FANCI: variants seen among roughly 807,000 people sequenced by gnomAD.
FANCI encodes the protein Fanconi anemia group I protein.
In FANCI, 156 loss-of-function variants were observed where a neutral mutation model predicts 176.1. The observed-to-expected ratio is 0.89, with a 90% confidence interval of 0.78 to 1.01. The LOEUF (loss-of-function observed/expected upper bound fraction) is 1.01, where lower values mean the gene tolerates loss of function less well. Ranked by LOEUF, FANCI falls within the 50% of genes least tolerant of loss-of-function variation. The pLI, the probability that FANCI is intolerant of heterozygous loss-of-function variation, is 0.00. For missense variants in FANCI, 1,678 were observed against 1,534.1 expected, an observed-to-expected ratio of 1.09 and a Z score of -1.57; for synonymous variants, 613 against 541.7, an observed-to-expected ratio of 1.13 and a Z score of -1.83.
In FANCI at chr15:89,263,461, G is replaced by A; in HGVS notation, c.545+1G>A. ...TAATCCAACTCACCTCCATGTTCAA[G>A]TAAGCATCATCTTTTCCCTTTTCTT... On this transcript the variant is annotated splice_donor_variant, in intron 7 of 37. Transcript: ENST00000310775. LOFTEE classifies it high-confidence loss of function. 6.2e-7 allele frequency: 1 copy of A among 1,611,670 alleles called. No individual in the cohort carries two copies. The highest frequency in any genetic ancestry group is 8.5e-7 in the Non-Finnish European group (1 of 1,177,984).
intron 35 of FANCI, among the ~76,000 whole-genome samples, chr15:89,314,167 G>A (rs1040975254): frequency 3.7e-5 from 5 of 134,866 alleles, no homozygotes; most frequent in Admixed American, 2.2e-4. Flanking sequence ...AGGACCTTTC[G>A]TTAGGGGGAA....
chr15:89,279,035 C>T (rs1339683767), intron 14 of FANCI, among the ~76,000 whole-genome samples: 1 of 152,204 alleles, frequency 6.6e-6, no homozygotes, highest in African/African-American at 2.4e-5. Context: ...TAATACCTCT[C>T]AAATGAGTGC....
At chr15:89,281,634 A>G in intron 15 of FANCI, 131 bp from the exon 16 acceptor site, 1 of 900,234 alleles carries the variant, frequency 1.1e-6, no homozygotes, top group Non-Finnish European at 1.8e-6. Context: ...GTTAACTGTA[A>G]TAAACATTAA....
intron 10 of FANCI, among the ~76,000 whole-genome samples, chr15:89,269,203 T>G (rs1038627913): frequency 2.0e-5 from 3 of 152,206 alleles, no homozygotes; most frequent in African/African-American, 7.2e-5. Flanking sequence ...ATTCTTTTTC[T>G]GAACATTTAA....
chr15:89,267,940 G>C (rs2053039141), intron 9 of FANCI, among the ~76,000 whole-genome samples: 1 of 152,012 alleles, frequency 6.6e-6, no homozygotes, highest in Non-Finnish European at 1.5e-5. Context: ...TAAATAGATG[G>C]ATAGATAGAT....
At chr15:89,255,152 A>G (rs1367374048) in intron 2 of FANCI, among the ~76,000 whole-genome samples, 1 of 152,108 alleles carries the variant, frequency 6.6e-6, no homozygotes, top group Non-Finnish European at 1.5e-5. Context: ...TCTGTTGATC[A>G]TGATAGCCCT....
chr15:89,283,759 C>CT (rs199549740), intron 17 of FANCI, among the ~76,000 whole-genome samples: 2,142 of 142,470 alleles, frequency 0.015, 66 homozygotes, highest in East Asian at 0.13. Context: ...ATATTTCTTT[C>CT]TTTTTTTTTT....
In FANCI at chr15:89,276,734, C is replaced by T; in HGVS notation, c.1136C>T (p.Thr379Ile). 6.2e-7 allele frequency: 1 copy of T among 1,614,170 alleles called. No individual in the cohort carries two copies. The highest frequency in any genetic ancestry group is 8.5e-7 in the Non-Finnish European group (1 of 1,180,032). ...AGCGTTCATAGCTGGGACCATGTTA[C>T]TCAGGGCCTCGTAGAACTTGGTTTC... ...KNSVHSWDHV[T>I]QGLVELGFIL... Residue 379 changes from threonine (T) to isoleucine (I), a missense_variant, in exon 13 of 38, where the codon ACT (threonine) becomes ATT (isoleucine). By Grantham distance (89) the Thr-to-Ile change is moderately conservative (BLOSUM62 -1). Transcript: ENST00000310775.
chr15:89,274,614 T>TG (rs1177411180), intron 12 of FANCI, among the ~76,000 whole-genome samples: 1 of 135,572 alleles, frequency 7.4e-6, no homozygotes, highest in Non-Finnish European at 1.6e-5. Flanking sequence ...TTTTTTTTTT[T>TG]TTTTTTTTGA....
rs149252455 is a variant in FANCI at position 89,289,822 on chromosome 15, C to G, written c.1822-391C>G. ...CTTCATACCTCAGCCTCCCGAGTAG[C>G]TGTGATTACAGGCATGTGCCACCAC... On this transcript the variant is annotated intron_variant, in intron 18 of 37. Coordinates refer to ENST00000310775, the MANE Select transcript of FANCI (RefSeq NM_001113378.2). 2.6e-3 allele frequency among the ~76,000 whole-genome samples: 394 copies of G among 151,872 alleles called. 2 individuals are homozygous for G. Among genetic ancestry groups the G allele is most frequent in the African/African-American group, 9.3e-3 (384 of 41,398 alleles).
At chr15:89,252,476 A>T (rs1184794095) in intron 2 of FANCI, among the ~76,000 whole-genome samples, 1 of 152,078 alleles carries the variant, frequency 6.6e-6, no homozygotes, top group Non-Finnish European at 1.5e-5. Context: ...CAGTTAGCTC[A>T]CGCCTGTAAT....
intron 16 of FANCI, chr15:89,282,063 A>G: frequency 2.0e-6 from 1 of 510,216 alleles, no homozygotes; most frequent in Non-Finnish European, 3.6e-6. Flanking sequence ...CCCATTTTAC[A>G]GATAAGAAAA....
rs1175936824 is a variant in FANCI, at chr15:89,303,881, C to G, written c.3024C>G (p.Ser1008=). 3 of 1,613,950 alleles carry G rather than the reference C, an allele frequency of 1.9e-6. No homozygotes were observed. Among genetic ancestry groups the G allele is most frequent in the Non-Finnish European group, 2.5e-6 (3 of 1,179,884 alleles). ...PSSPQFVQML[S]WTSKICKENS... Reference sequence around the variant, plus strand: ...TAATTTAGTTTGTGCAGATGTTATCCTGGACATCAAAGATTTGCAAGGAAA... The same window carrying G: ...TAATTTAGTTTGTGCAGATGTTATCGTGGACATCAAAGATTTGCAAGGAAA... Residue 1008 remains serine, a synonymous_variant, in exon 28 of 38, where the codon TCC becomes TCG. Coordinates refer to ENST00000310775, the MANE Select transcript of FANCI (RefSeq NM_001113378.2).
chr15:89,314,879 G>A (rs996170337), intron 36 of FANCI, among the ~76,000 whole-genome samples, 172 bp downstream of exon 36: 2 of 118,316 alleles, frequency 1.7e-5, no homozygotes, highest in African/African-American at 6.8e-5. Flanking sequence ...GTCTCATTCT[G>A]TCACCCAGGC....
chr15:89,305,271 C>G, intron 29 of FANCI, 29 bp downstream of exon 29: 1 of 1,614,084 alleles, frequency 6.2e-7, no homozygotes, highest in African/African-American at 1.3e-5. Context: ...AGTACAATAC[C>G]CTGTGTGGGG....
intron 9 of FANCI, among the ~76,000 whole-genome samples, chr15:89,265,488 T>A (rs2052904331): frequency 6.6e-6 from 1 of 152,084 alleles, no homozygotes; most frequent in African/African-American, 2.4e-5. Context: ...ATTACAGACA[T>A]GAGCCACTGT....
chr15:89,285,929 C>T (rs983267758), intron 18 of FANCI, among the ~76,000 whole-genome samples: 9 of 152,076 alleles, frequency 5.9e-5, no homozygotes, highest in African/African-American at 2.2e-4. Context: ...TGTGTTACCT[C>T]TAATTTATCA....
At chr15:89,311,666 C>T (rs1051004213) in intron 34 of FANCI, among the ~76,000 whole-genome samples, 1 of 152,190 alleles carries the variant, frequency 6.6e-6, no homozygotes, top group Non-Finnish European at 1.5e-5. Context: ...CAGATTACTG[C>T]ATACCAGCCC....
At chr15:89,314,836 T>TC (rs1180873508) in intron 36 of FANCI, 129 bp downstream of exon 36, 457 of 244,446 alleles carry the variant, frequency 1.9e-3, no homozygotes, top group Admixed American at 5.0e-3. Flanking sequence ...ATCCCCCCTC[T>TC]CCCCCCCCCC....
Sources: gnomAD v4.1 joint callset for allele counts (sites outside exome capture counted in the v4.1 genomes callset) on GRCh38, gnomAD v4.1.1 for gene constraint, MANE v1.5 for transcripts, NCBI Gene and HGNC (gene_info 2026-07-23, HGNC 2026-07-21) for gene names.